Variants in POFUT3 observed in about 807,000 individuals in gnomAD.
POFUT3 encodes the protein protein O-fucosyltransferase 3, also known as GDP-fucose protein O-fucosyltransferase 3.
the POFUT3 span, among the ~76,000 whole-genome samples, chr8:33,317,623 G>A: frequency 6.6e-6 from 1 of 152,092 alleles, no homozygotes; most frequent in Non-Finnish European, 1.5e-5. Flanking sequence ...TTGCTTGTAA[G>A]CAAGCCATCA....
chr8:33,315,520 T>C, the POFUT3 span, among the ~76,000 whole-genome samples: 30 of 152,210 alleles, frequency 2.0e-4, 1 homozygote, highest in Non-Finnish European at 3.8e-4. Flanking sequence ...GAGAGAACTG[T>C]GACGGTCGTG....
chr8:33,390,173 C>CT, the POFUT3 span, among the ~76,000 whole-genome samples: 2 of 151,820 alleles, frequency 1.3e-5, no homozygotes, highest in East Asian at 3.9e-4. Flanking sequence ...GAGCAAGACT[C>CT]TGTCTCAAAA....
At chr8:33,453,253 G>A in the POFUT3 span, 3 of 1,614,106 alleles carry the variant, frequency 1.9e-6, no homozygotes, top group Non-Finnish European at 2.5e-6. Context: ...GATGATGGAG[G>A]TAGGTCCGGT....
chr8:33,455,668 G>C, the POFUT3 span: 3 of 354,794 alleles, frequency 8.5e-6, no homozygotes, highest in African/African-American at 6.4e-5. Flanking sequence ...GTTAAAGTAA[G>C]GCACATTTAC....
At chr8:33,383,088 GC>G in the POFUT3 span, among the ~76,000 whole-genome samples, 1 of 152,108 alleles carries the variant, frequency 6.6e-6, no homozygotes, top group African/African-American at 2.4e-5. Flanking sequence ...GATTCCGAGT[GC>G]AGTATGTGCT....
the POFUT3 span, among the ~76,000 whole-genome samples, chr8:33,341,912 C>T: frequency 1.3e-5 from 2 of 151,864 alleles, no homozygotes; most frequent in Non-Finnish European, 2.9e-5. Flanking sequence ...ATCAAAAAAG[C>T]CTGGGCATGG....
At chr8:33,461,351 C>T in the POFUT3 span, 1 of 1,597,384 alleles carries the variant, frequency 6.3e-7, no homozygotes, top group Non-Finnish European at 8.5e-7. Flanking sequence ...ATCAACACTA[C>T]ACAACCCACA....
chr8:33,461,759 A>C, the POFUT3 span: 1 of 859,972 alleles, frequency 1.2e-6, no homozygotes, highest in Non-Finnish European at 1.6e-6. Context: ...GCCATAGCGC[A>C]GATTTAATAA....
chr8:33,408,979 T>A, the POFUT3 span, among the ~76,000 whole-genome samples: 2 of 152,050 alleles, frequency 1.3e-5, no homozygotes, highest in Non-Finnish European at 2.9e-5. Flanking sequence ...AGATGTGAGA[T>A]CCTCCATCAC....
chr8:33,330,317 G>A, the POFUT3 span, among the ~76,000 whole-genome samples: 1 of 152,080 alleles, frequency 6.6e-6, no homozygotes, highest in South Asian at 2.1e-4. Context: ...GGTGGCAGGT[G>A]CCTGTAATCC....
At chr8:33,330,966 T>C in the POFUT3 span, among the ~76,000 whole-genome samples, 16 of 152,274 alleles carry the variant, frequency 1.1e-4, no homozygotes, top group South Asian at 3.3e-3. Flanking sequence ...GCGCCCAGCA[T>C]GCTTCCTAGA....
chr8:33,375,080 C>T, the POFUT3 span, among the ~76,000 whole-genome samples: 800 of 151,542 alleles, frequency 5.3e-3, 8 homozygotes, highest in African/African-American at 0.018. Flanking sequence ...TTAGTAGAGA[C>T]GGGGTTTCAC....
the POFUT3 span, among the ~76,000 whole-genome samples, chr8:33,435,811 C>T: frequency 2.6e-5 from 4 of 151,998 alleles, no homozygotes; most frequent in South Asian, 2.1e-4. Flanking sequence ...CCACCATACT[C>T]GGCCTAATTT....
At chr8:33,373,571 C>T in the POFUT3 span, among the ~76,000 whole-genome samples, 627 of 152,252 alleles carry the variant, frequency 4.1e-3, 2 homozygotes, top group Non-Finnish European at 6.1e-3. Context: ...GCAGGCTACA[C>T]TCGGCAGCCC....
the POFUT3 span, among the ~76,000 whole-genome samples, chr8:33,405,884 C>T: frequency 6.6e-6 from 1 of 152,124 alleles, no homozygotes; most frequent in African/African-American, 2.4e-5. Flanking sequence ...TTTGAGCTTA[C>T]AAAATTTAAT....
At chr8:33,455,703 C>T in the POFUT3 span, 1 of 418,354 alleles carries the variant, frequency 2.4e-6, no homozygotes, top group Non-Finnish European at 4.8e-6. Flanking sequence ...ACTGCTCCAC[C>T]AGTCGGCCAT....
chr8:33,423,028 G>A, the POFUT3 span, among the ~76,000 whole-genome samples: 1 of 152,074 alleles, frequency 6.6e-6, no homozygotes, highest in Non-Finnish European at 1.5e-5. Context: ...AGTTGCCCAG[G>A]CTGGTCTTGA....
the POFUT3 span, among the ~76,000 whole-genome samples, chr8:33,319,035 A>G: frequency 2.0e-5 from 1 of 50,218 alleles, no homozygotes; most frequent in Non-Finnish European, 3.1e-5. Context: ...TATATTTTAC[A>G]TATATTTATA....
the POFUT3 span, among the ~76,000 whole-genome samples, chr8:33,448,768 T>C: frequency 6.6e-6 from 1 of 152,010 alleles, no homozygotes; most frequent in Non-Finnish European, 1.5e-5. Context: ...ACCCTGTCTC[T>C]TCTAAAAACA....
Sources: allele counts gnomAD v4.1 joint callset (sites outside exome capture counted in the v4.1 genomes callset), GRCh38; gene constraint gnomAD v4.1.1; transcripts MANE v1.5; gene names NCBI Gene and HGNC (gene_info 2026-07-23, HGNC 2026-07-21).